The following USP39 variants were observed in gnomAD, a reference collection of about 807,000 sequenced individuals.
USP39 encodes ubiquitin carboxyl-terminal hydrolase 39.
Under a neutral mutation model 66.4 loss-of-function variants are expected in USP39, and 38 were observed. The observed-to-expected ratio is 0.57, with a 90% CI of 0.44 to 0.75. USP39 has a LOEUF of 0.75. Ranked by LOEUF, USP39 falls within the 30% of genes least tolerant of loss-of-function variation. The pLI is 0.00. For synonymous variants in USP39, 303 were observed against 274.6 expected, an observed-to-expected ratio of 1.10 and a Z score of -1.02; for missense variants, 608 against 714.4, an observed-to-expected ratio of 0.85 and a Z score of 1.70.
chr2:85,614,874 T>C (rs1673805205), upstream of USP39, among the ~76,000 whole-genome samples: 1 of 152,218 alleles, frequency 6.6e-6, no homozygotes, highest in African/African-American at 2.4e-5. Flanking sequence ...GAATGCAGCC[T>C]GTCAAGGCCC....
intron 4 of USP39, among the ~76,000 whole-genome samples, chr2:85,624,819 C>T (rs1030289288): frequency 6.6e-5 from 10 of 151,812 alleles, no homozygotes; most frequent in Non-Finnish European, 1.0e-4. Context: ...CAAAATTAGC[C>T]GGGCATGATG....
intron 11 of USP39, chr2:85,645,372 G>A (rs975380709): frequency 1.6e-5 from 4 of 243,556 alleles, no homozygotes; most frequent in East Asian, 2.0e-4. Flanking sequence ...CGCCTCCTGG[G>A]TTCAAGCAGT....
intron 1 of USP39, among the ~76,000 whole-genome samples, chr2:85,617,272 C>G (rs899161016): frequency 6.6e-6 from 1 of 152,156 alleles, no homozygotes; most frequent in Non-Finnish European, 1.5e-5. Context: ...GTTTTTACAT[C>G]TAAGGTCTTG....
chr2:85,639,231 A>ATT lies in USP39; in HGVS notation c.1125_1126insTT (p.Asn376LeufsTer17), dbSNP rs748383616. ...GCAGAAGAAAAAGAGCAGTTGCTCC[A>ATT]TAATGACGAGTACCAGGAGACAATG... On this transcript the variant is annotated frameshift_variant, in exon 9 of 13. Transcript: ENST00000323701. LOFTEE classifies it high-confidence loss of function. 1.2e-6 allele frequency: 2 copies of ATT among 1,613,476 alleles called. No homozygotes were observed. The highest frequency in any genetic ancestry group is 1.7e-6 in the Non-Finnish European group (2 of 1,179,800).
intron 5 of USP39, among the ~76,000 whole-genome samples, chr2:85,627,610 C>T (rs1477184453): frequency 6.7e-6 from 1 of 150,166 alleles, no homozygotes; most frequent in Non-Finnish European, 1.5e-5. Flanking sequence ...GGCAACATAG[C>T]GAGACCCTGT....
At chr2:85,604,404 G>T (rs369598962) in intron 1 of USP39, among the ~76,000 whole-genome samples, 1 of 152,088 alleles carries the variant, frequency 6.6e-6, no homozygotes, top group Non-Finnish European at 1.5e-5. Flanking sequence ...TAGAGACGGG[G>T]TTTCACCATG....
upstream of USP39, chr2:85,611,112 C>T: frequency 6.3e-6 from 2 of 318,126 alleles, no homozygotes; most frequent in Non-Finnish European, 9.7e-6. Context: ...TGGTGGCACA[C>T]GCCTGTGGTC....
chr2:85,611,624 G>A (rs1300312854), upstream of USP39: 1 of 1,561,566 alleles, frequency 6.4e-7, no homozygotes, highest in Non-Finnish European at 8.7e-7. Context: ...GTGCGTTGCA[G>A]GAAGAGCGCG....
rs1338562349 is a variant in USP39 at position 85,645,232 on chromosome 2, G to A, written c.1563+149G>A. 8 of 1,125,666 alleles carry A rather than the reference G, an allele frequency of 7.1e-6. No homozygotes were observed. The African/African-American group carries it at 1.1e-4, about 16-fold the overall frequency. 69.7% of individuals were successfully genotyped at this position (1,125,666 alleles called of 1,614,324 possible). On this transcript the variant is annotated intron_variant, in intron 11 of 12. Transcript: ENST00000323701. The stretch of plus-strand genomic sequence containing the variant: ...TAGTGCTGTCAGTAGTTAGTTTAAG[G>A]CAGTGGTTCTCAATTTTGGCTACAC...
rs990685462 is a variant in USP39 at position 85,624,758 on chromosome 2, G to A, written c.571-781G>A. ...GCAGGTGGGTCATTTGAGGTCAGGA[G>A]TTTGAGACCAGCCTGACCAACATGA... On this transcript the variant is annotated intron_variant, in intron 4 of 12. Transcript: ENST00000323701. Among the ~76,000 whole-genome samples, 4 of 152,092 alleles carry A rather than the reference G, an allele frequency of 2.6e-5. No individual in the cohort carries two copies. In the South Asian group the frequency reaches 8.3e-4, roughly 31 times the overall value.
chr2:85,611,460 C>G, upstream of USP39: 1 of 1,545,214 alleles, frequency 6.5e-7, no homozygotes, highest in Non-Finnish European at 8.7e-7. Flanking sequence ...GATACTCTGA[C>G]AGCGATGCTT....
At position 85,648,026 on chromosome 2, in the gene USP39, C is replaced by T. The variant is rs772411194; in HGVS notation, c.1650+10C>T. 2.5e-6 allele frequency: 4 copies of T among 1,613,834 alleles called. No individual in the cohort carries two copies. In the East Asian group the frequency reaches 8.9e-5, roughly 36 times the overall value. On this transcript the variant is annotated intron_variant, in intron 12 of 12. Coordinates refer to ENST00000323701, the MANE Select transcript of USP39 (RefSeq NM_006590.4). ...AGAGGCTTACATTCAGGTGGGTTGG[C>T]CACAGGCTTAGTGAGCCACAAATAG... is the stretch of plus-strand genomic sequence containing the variant.
chr2:85,607,003 TG>T (rs1313600598), intron 1 of USP39: 1 of 152,002 alleles, frequency 6.6e-6, no homozygotes, highest in African/African-American at 2.4e-5. Context: ...CAGGACGGTC[TG>T]GATCTCCTGA....
chr2:85,620,202 C>A (rs1222999904), intron 2 of USP39, among the ~76,000 whole-genome samples: 1 of 149,356 alleles, frequency 6.7e-6, no homozygotes, highest in East Asian at 2.1e-4. Flanking sequence ...AAGTTATGGC[C>A]GGGTGCTCTG....
At chr2:85,627,732 G>A (rs72923051) in intron 5 of USP39, among the ~76,000 whole-genome samples, 11,507 of 152,030 alleles carry the variant, frequency 0.076, 1,468 homozygotes, top group African/African-American at 0.26. Context: ...CCAGGAGTTC[G>A]AGGCTGTTGG....
At chr2:85,617,902 C>CT (rs1216021100) in intron 1 of USP39, among the ~76,000 whole-genome samples, 1 of 151,916 alleles carries the variant, frequency 6.6e-6, no homozygotes, top group Admixed American at 6.6e-5. Context: ...AGGGTAAGAT[C>CT]TGAGACCCAC....
intron 5 of USP39, among the ~76,000 whole-genome samples, chr2:85,629,499 CT>C (rs768604575): frequency 1.7e-3 from 233 of 138,090 alleles, no homozygotes; most frequent in Non-Finnish European, 2.2e-3. Context: ...TTCTCTTTCT[CT>C]TTTTTTTTTT....
At chr2:85,641,547 G>T (rs1280599645) in intron 10 of USP39, among the ~76,000 whole-genome samples, 1 of 152,160 alleles carries the variant, frequency 6.6e-6, no homozygotes, top group Admixed American at 6.5e-5. Context: ...ACTTCTGCAA[G>T]ATCCTTTTTG....
upstream of USP39, among the ~76,000 whole-genome samples, chr2:85,609,964 A>C (rs1673402155): frequency 6.7e-6 from 1 of 149,466 alleles, no homozygotes; most frequent in Non-Finnish European, 1.5e-5. Context: ...TACAGGCGTG[A>C]GCCACTGCAC....
Sources: allele counts gnomAD v4.1 joint callset (sites outside exome capture counted in the v4.1 genomes callset), GRCh38; gene constraint gnomAD v4.1.1; transcripts MANE v1.5; gene names NCBI Gene and HGNC (gene_info 2026-07-23, HGNC 2026-07-21).